Variants in KIF13B observed in about 807,000 individuals in gnomAD.
The protein encoded by KIF13B is kinesin family member 13B.
In KIF13B, 127 loss-of-function variants were observed where a neutral mutation model predicts 222.0. That is an observed-to-expected ratio of 0.57 (90% CI 0.50 to 0.66). KIF13B has a LOEUF of 0.66. KIF13B is among the 30% of genes least tolerant of loss of function. The probability of loss-of-function intolerance (pLI) is 0.00; values close to 1 mark genes in which losing one functional copy is unlikely to be tolerated. For missense variants in KIF13B, 2,173 were observed against 2,379.0 expected (o/e 0.91, Z 1.80); for synonymous variants, 976 against 919.0 (o/e 1.06, Z -1.12).
At chr8:29,125,022 T>A (rs1163693858) in intron 26 of KIF13B, among the ~76,000 whole-genome samples, 3 of 152,244 alleles carry the variant, frequency 2.0e-5, no homozygotes, top group Non-Finnish European at 2.9e-5. Context: ...TGCACTATGG[T>A]CTGGGTGGTA....
intron 2 of KIF13B, among the ~76,000 whole-genome samples, chr8:29,234,951 T>A (rs1815442635): frequency 6.6e-6 from 1 of 152,202 alleles, no homozygotes; most frequent in African/African-American, 2.4e-5. Context: ...AAAACCTGAT[T>A]TTTAAATGTT....
chr8:29,141,825 G>C (rs1023167456), intron 19 of KIF13B, among the ~76,000 whole-genome samples: 1 of 152,182 alleles, frequency 6.6e-6, no homozygotes, highest in East Asian at 1.9e-4. Flanking sequence ...TGGGAGGAGA[G>C]ACAAATAATG....
intron 11 of KIF13B, 58 bp downstream of exon 11, chr8:29,167,315 A>T: frequency 7.0e-7 from 1 of 1,422,620 alleles, no homozygotes; most frequent in Non-Finnish European, 9.8e-7. Context: ...AGGAAATTCA[A>T]GCTCTAGGCT....
At chr8:29,222,515 C>CTTTTTTTTTTTTTTTTTT (rs58488862) in intron 2 of KIF13B, among the ~76,000 whole-genome samples, 2 of 60,566 alleles carry the variant, frequency 3.3e-5, no homozygotes, top group African/African-American at 1.5e-4. Flanking sequence ...CCACACCTGA[C>CTTTTTTTTTTTTTTTTTT]TTTTTTTTTT....
intron 21 of KIF13B, among the ~76,000 whole-genome samples, chr8:29,139,036 TAAGG>T (rs1221690642): frequency 2.6e-5 from 4 of 152,052 alleles, no homozygotes; most frequent in African/African-American, 4.8e-5. Context: ...CCTGGGGTGC[TAAGG>T]GAGGGGGGCA....
intron 2 of KIF13B, among the ~76,000 whole-genome samples, chr8:29,235,289 A>G (rs1337339692): frequency 1.3e-5 from 2 of 152,180 alleles, no homozygotes; most frequent in Non-Finnish European, 2.9e-5. Context: ...CAGTAATGCA[A>G]ATGTCGTCCA....
chr8:29,090,338 A>T (rs1320704159), intron 37 of KIF13B, among the ~76,000 whole-genome samples: 1 of 152,146 alleles, frequency 6.6e-6, no homozygotes, highest in Admixed American at 6.5e-5. Flanking sequence ...GAACTCAATG[A>T]GATTTATGCA....
At position 29,078,939 on chromosome 8, in the gene KIF13B, G is replaced by T. The variant is rs560564249; in HGVS notation, c.4459-3596C>A. 2.0e-5 allele frequency among the ~76,000 whole-genome samples: 3 copies of T among 152,308 alleles called. No individual in the cohort carries two copies. The South Asian group carries it at 6.2e-4, about 32-fold the overall frequency. ...TTCCAGGGAAAAGGTGCCAGTCACT[G>T]CTCTCATCATATTGCCCTGTGTTTT... On this transcript the variant is annotated intron_variant, in intron 37 of 39. Transcript: ENST00000524189.
At chr8:29,163,733 A>C (rs1200016014) in intron 12 of KIF13B, among the ~76,000 whole-genome samples, 1 of 152,244 alleles carries the variant, frequency 6.6e-6, no homozygotes, top group Non-Finnish European at 1.5e-5. Flanking sequence ...GTTGAATAAA[A>C]TCAGGCAGTG....
chr8:29,067,740 G>A lies in KIF13B; in HGVS notation c.*2764C>T, dbSNP rs772243392. ...ATACAGGGAACTTTTAAGGCAAGAG[G>A]AGAAAATGCTAGGAAGTAACGGGGG... is the stretch of plus-strand genomic sequence containing the variant. On this transcript the variant is annotated 3_prime_UTR_variant, in exon 40 of 40. Coordinates refer to ENST00000524189, the MANE Select transcript of KIF13B (RefSeq NM_015254.4). 4 of 152,354 alleles carry A rather than the reference G, an allele frequency of 2.6e-5. No individual in the cohort carries two copies. The highest frequency in any genetic ancestry group is 3.8e-4 in the East Asian group (2 of 5,204). 9.4% of individuals were successfully genotyped at this position (152,354 alleles called of 1,614,324 possible).
At chr8:29,077,036 T>G (rs1406262863) in intron 37 of KIF13B, among the ~76,000 whole-genome samples, 1 of 152,132 alleles carries the variant, frequency 6.6e-6, no homozygotes, top group African/African-American at 2.4e-5. Flanking sequence ...GAATGTGTAC[T>G]TTACACTGCA....
chr8:29,071,472 G>T lies in KIF13B; in HGVS notation c.5218+148C>A, dbSNP rs184171811. On this transcript the variant is annotated intron_variant, in intron 39 of 39. Coordinates refer to ENST00000524189, the MANE Select transcript of KIF13B (RefSeq NM_015254.4). The surrounding 1 kb of genome is among the most constrained non-coding windows in gnomAD (Gnocchi z 4.9). ...CCCTGCCCCCAGCCTCACCCCTGCA[G>T]GCCCAGCCGCTCCCGCAGCTTCAGC... is the stretch of plus-strand genomic sequence containing the variant. 134 of 684,656 alleles carry T rather than the reference G, an allele frequency of 2.0e-4. No individual in the cohort carries two copies. Among genetic ancestry groups the T allele is most frequent in the African/African-American group, 1.9e-3 (106 of 55,368 alleles). 42.4% of individuals were successfully genotyped at this position (684,656 alleles called of 1,614,324 possible).
At chr8:29,074,882 G>A (rs1365565145) in intron 38 of KIF13B, among the ~76,000 whole-genome samples, 1 of 152,230 alleles carries the variant, frequency 6.6e-6, no homozygotes. Context: ...ATCTGTGGGA[G>A]ATTATAAGAG....
At chr8:29,085,849 C>CAAAAAA (rs752162185) in intron 37 of KIF13B, among the ~76,000 whole-genome samples, 1 of 67,332 alleles carries the variant, frequency 1.5e-5, no homozygotes, top group Non-Finnish European at 3.2e-5. Flanking sequence ...GAGCCCGTAA[C>CAAAAAA]AAAAAAAAAA....
rs1159213137 is a variant in KIF13B, at chr8:29,071,668, C to T, written c.5170G>A (p.Asp1724Asn). ...TGVVRYVGPA[D>N]FQEGTWVGVE... ...CCGACCCACGTGCCCTCTTGGAAGTCGGCAGGCCCCACGTATCTCACCACG... is the reference window on the plus strand; with the variant it reads ...CCGACCCACGTGCCCTCTTGGAAGTTGGCAGGCCCCACGTATCTCACCACG... Residue 1724 changes from aspartate (D) to asparagine (N), a missense_variant, in exon 39 of 40, where the codon GAC (aspartate) becomes AAC (asparagine). By Grantham distance (23) the Asp-to-Asn change is conservative. Coordinates refer to ENST00000524189, the MANE Select transcript of KIF13B (RefSeq NM_015254.4). The surrounding 1 kb of genome is among the most constrained non-coding windows in gnomAD (Gnocchi z 4.9). 2 of 1,555,006 alleles carry T rather than the reference C, an allele frequency of 1.3e-6. No individual in the cohort carries two copies. The highest frequency in any genetic ancestry group is 1.7e-6 in the Non-Finnish European group (2 of 1,149,752).
rs566705348 is a variant in KIF13B at position 29,088,235 on chromosome 8, CAGCCTGGGCGACAG to C, written c.4458+4496_4458+4509del. ...GAGCTGAGATCGCACCACTGTACTC[CAGCCTGGGCGACAG>C]AGGGAGACTCCATCTTAAAAAAAAA... On this transcript the variant is annotated intron_variant, in intron 37 of 39. Coordinates refer to ENST00000524189, the MANE Select transcript of KIF13B (RefSeq NM_015254.4). Among the ~76,000 whole-genome samples, 5 of 152,072 alleles carry C rather than the reference CAGCCTGGGCGACAG, an allele frequency of 3.3e-5. No homozygotes were observed. In the East Asian group the frequency reaches 9.6e-4, roughly 29 times the overall value.
chr8:29,212,204 A>G (rs1275220376), intron 2 of KIF13B, among the ~76,000 whole-genome samples: 1 of 152,220 alleles, frequency 6.6e-6, no homozygotes, highest in Non-Finnish European at 1.5e-5. Context: ...ACCTAAGACT[A>G]AAGCTGTTGG....
At chr8:29,167,033 T>C (rs1812033011) in intron 11 of KIF13B, among the ~76,000 whole-genome samples, 2 of 152,208 alleles carry the variant, frequency 1.3e-5, no homozygotes, top group African/African-American at 4.8e-5. Context: ...CATCATTTTC[T>C]GCACAAAAAT....
chr8:29,143,503 C>T (rs1444440080), intron 18 of KIF13B, among the ~76,000 whole-genome samples: 1 of 152,216 alleles, frequency 6.6e-6, no homozygotes, highest in Non-Finnish European at 1.5e-5. Context: ...GGAAGCGGTG[C>T]TCACACCACA....
Sources: allele counts gnomAD v4.1 joint callset (sites outside exome capture counted in the v4.1 genomes callset), GRCh38; gene constraint gnomAD v4.1.1; non-coding constraint Gnocchi (gnomAD v3.1); transcripts MANE v1.5; gene names NCBI Gene and HGNC (gene_info 2026-07-23, HGNC 2026-07-21).